The following MAP4K4 variants were observed in gnomAD, a reference collection of about 807,000 sequenced individuals.
MAP4K4 encodes mitogen-activated protein kinase kinase kinase kinase 4, also known as HPK/GCK-like kinase HGK.
MAP4K4 carries 38 observed loss-of-function variants against 189.6 expected under a neutral mutation model. The ratio of observed to expected loss-of-function variants is 0.20; its 90% CI spans 0.15 to 0.26. The LOEUF (loss-of-function observed/expected upper bound fraction) is 0.26, where lower values mean the gene tolerates loss of function less well. MAP4K4 is among the 10% of genes least tolerant of loss of function. The pLI is 1.00. For missense variants in MAP4K4, 1,054 were observed against 1,726.9 expected, an observed-to-expected ratio of 0.61 and a Z score of 6.91; for synonymous variants, 610 against 624.3, an observed-to-expected ratio of 0.98 and a Z score of 0.34.
chr2:101,772,882 G>A (rs2082171009), intron 2 of MAP4K4, among the ~76,000 whole-genome samples: 1 of 152,194 alleles, frequency 6.6e-6, no homozygotes, highest in South Asian at 2.1e-4. Context: ...AGTTGGTAAT[G>A]TTATTCACTG....
At chr2:101,861,402 A>G (rs1054804627) in intron 16 of MAP4K4, 1 of 156,744 alleles carries the variant, frequency 6.4e-6, no homozygotes, top group East Asian at 1.9e-4. Flanking sequence ...GGCCAGTCCT[A>G]TGAATGGGCC....
At chr2:101,704,874 G>A (rs1281813649) in intron 2 of MAP4K4, among the ~76,000 whole-genome samples, 1 of 152,028 alleles carries the variant, frequency 6.6e-6, no homozygotes, top group African/African-American at 2.4e-5. Context: ...TATTACCAGT[G>A]ACCATTGTGG....
intron 3 of MAP4K4, among the ~76,000 whole-genome samples, chr2:101,791,936 G>A (rs1239686679): frequency 1.3e-5 from 2 of 152,136 alleles, no homozygotes; most frequent in African/African-American, 4.8e-5. Context: ...TAGTTGAATG[G>A]CCAAAAGATT....
chr2:101,785,185 C>T (rs1217801291), intron 2 of MAP4K4, among the ~76,000 whole-genome samples: 1 of 152,200 alleles, frequency 6.6e-6, no homozygotes, highest in Non-Finnish European at 1.5e-5. Flanking sequence ...GTATCATAAA[C>T]ATCATAAATT....
At chr2:101,887,717 C>T (rs1339857214) in intron 30 of MAP4K4, 61 bp from the exon 31 acceptor site, 1 of 1,407,792 alleles carries the variant, frequency 7.1e-7, no homozygotes, top group African/African-American at 1.4e-5. Flanking sequence ...TTACTGAGCA[C>T]TTGCACAGGG....
chr2:101,767,433 A>C (rs2079100416), intron 2 of MAP4K4, among the ~76,000 whole-genome samples: 2 of 152,152 alleles, frequency 1.3e-5, no homozygotes. Flanking sequence ...TGGTCTTTTG[A>C]AAGCTCTTCA....
At chr2:101,845,458 G>A (rs750743868) in intron 12 of MAP4K4, among the ~76,000 whole-genome samples, 4 of 152,084 alleles carry the variant, frequency 2.6e-5, no homozygotes, top group Non-Finnish European at 4.4e-5. Flanking sequence ...CGTCATTGTG[G>A]GAACATCATA....
intron 22 of MAP4K4, 35 bp from the exon 23 acceptor site, chr2:101,870,260 T>A (rs1270242563): frequency 8.0e-5 from 128 of 1,606,744 alleles, no homozygotes; most frequent in Non-Finnish European, 1.0e-4. Context: ...ACTCCAGAGA[T>A]TAAGGCCTTT....
chr2:101,718,576 G>GT (rs2049849210), intron 2 of MAP4K4, among the ~76,000 whole-genome samples: 1 of 123,666 alleles, frequency 8.1e-6, no homozygotes, highest in Non-Finnish European at 1.7e-5. Flanking sequence ...GGGGTGGGGG[G>GT]GTGGGGGGGA....
intron 24 of MAP4K4, 48 bp from the exon 25 acceptor site, chr2:101,873,599 A>G (rs1315785761): frequency 3.0e-6 from 3 of 996,016 alleles, no homozygotes; most frequent in Non-Finnish European, 4.7e-6. Context: ...TTTAATGTTC[A>G]TTTTTAAAAT....
At chr2:101,809,273 A>G (rs1268828627) in intron 3 of MAP4K4, among the ~76,000 whole-genome samples, 2 of 151,616 alleles carry the variant, frequency 1.3e-5, no homozygotes, top group Non-Finnish European at 2.9e-5. Context: ...TGGCTTTTAG[A>G]TTGTAAATTA....
exon 33 of MAP4K4, chr2:101,892,023 AAAAAAG>A (rs1458347992): frequency 6.6e-6 from 1 of 151,778 alleles, no homozygotes; most frequent in East Asian, 1.9e-4. Flanking sequence ...AAAGGAAAAA[AAAAAAG>A]AAAAAGAAAA....
chr2:101,856,550 C>T (rs893493403), intron 13 of MAP4K4, among the ~76,000 whole-genome samples: 3 of 151,812 alleles, frequency 2.0e-5, no homozygotes, highest in African/African-American at 7.3e-5. Context: ...TTTGAATATC[C>T]AGTGGCTAAG....
intron 3 of MAP4K4, among the ~76,000 whole-genome samples, chr2:101,804,811 G>A (rs962124496): frequency 2.6e-5 from 4 of 152,086 alleles, no homozygotes; most frequent in African/African-American, 9.7e-5. Flanking sequence ...GCCGGGTGCG[G>A]TGGCTTACGC....
chr2:101,778,045 G>A (rs1261855585), intron 2 of MAP4K4, among the ~76,000 whole-genome samples: 13 of 152,136 alleles, frequency 8.5e-5, no homozygotes, highest in Admixed American at 8.5e-4. Context: ...CAGTAATTCC[G>A]TAGGGGTAAT....
chr2:101,848,408 G>A (rs1033968827), intron 12 of MAP4K4, among the ~76,000 whole-genome samples: 1 of 152,150 alleles, frequency 6.6e-6, no homozygotes, highest in African/African-American at 2.4e-5. Context: ...CCCTTTATTG[G>A]CATTAAGGAT....
chr2:101,764,875 A>C (rs2077942520), intron 2 of MAP4K4, among the ~76,000 whole-genome samples: 1 of 152,208 alleles, frequency 6.6e-6, no homozygotes, highest in Admixed American at 6.5e-5. Flanking sequence ...TAAGTGAAAT[A>C]ATCTCAGATT....
At chr2:101,822,774 A>G (rs1339932677) in intron 3 of MAP4K4, among the ~76,000 whole-genome samples, 1 of 152,164 alleles carries the variant, frequency 6.6e-6, no homozygotes, top group East Asian at 1.9e-4. Flanking sequence ...GAAGGACATC[A>G]GTTGTGAGTG....
chr2:101,712,426 C>G (rs1377543292), intron 2 of MAP4K4, among the ~76,000 whole-genome samples: 2 of 152,230 alleles, frequency 1.3e-5, no homozygotes, highest in East Asian at 3.9e-4. Flanking sequence ...GATCTCCTGA[C>G]CTCGTGATCT....
Sources: gnomAD v4.1 joint callset for allele counts (sites outside exome capture counted in the v4.1 genomes callset) on GRCh38, gnomAD v4.1.1 for gene constraint, MANE v1.5 for transcripts, NCBI Gene and HGNC (gene_info 2026-07-23, HGNC 2026-07-21) for gene names.